The following RALGAPA2 variants were observed in gnomAD, a reference collection of about 807,000 sequenced individuals.
The protein encoded by RALGAPA2 is Ral GTPase activating protein catalytic subunit alpha 2, also known as ral GTPase-activating protein subunit alpha-2.
In RALGAPA2, 139 loss-of-function variants were observed where a neutral mutation model predicts 230.4. The ratio of observed to expected loss-of-function variants is 0.60; its 90% CI spans 0.53 to 0.69. RALGAPA2 has a LOEUF of 0.69. RALGAPA2 is among the 30% of genes least tolerant of loss of function. RALGAPA2 has a pLI of 0.00. For synonymous variants in RALGAPA2, 847 were observed against 837.8 expected (o/e 1.01, Z -0.19); for missense variants, 2,163 against 2,276.0 (o/e 0.95, Z 1.01).
At chr20:20,680,883 G>A in intron 1 of RALGAPA2, 82 bp from the exon 2 acceptor site, 1 of 1,495,070 alleles carries the variant, frequency 6.7e-7, no homozygotes, top group Non-Finnish European at 8.9e-7. Flanking sequence ...AGAAAAGAAG[G>A]CAAGTACAAC....
rs577169706 is a variant in RALGAPA2, at chr20:20,584,945, C to T, written c.2450G>A (p.Arg817Gln). The T allele has an allele frequency of 8.7e-6, 14 of 1,608,814 alleles. No homozygotes were observed. Among genetic ancestry groups the T allele is most frequent in the African/African-American group, 5.3e-5 (4 of 74,936 alleles). Residue 817 changes from arginine (R) to glutamine (Q), a missense_variant, in exon 19 of 40, where the codon CGA becomes CAA. Arg to Gln is a conservative substitution (Grantham distance 43). Transcript: ENST00000202677. ...CAATTCAGCAGGGCTGCTGCTTCTT[C>T]GAACTAAGATCTTCAGACAAAAAGA... Reference protein sequence around the residue: ...REHEGITILVRRSSSPAELDL... With the variant: ...REHEGITILVQRSSSPAELDL...
intron 37 of RALGAPA2, among the ~76,000 whole-genome samples, chr20:20,460,576 T>C (rs1325031962): frequency 6.6e-6 from 1 of 152,242 alleles, no homozygotes; most frequent in Admixed American, 6.5e-5. Context: ...TCCAGTGTTA[T>C]GGTGTCAGTT....
chr20:20,684,876 A>G (rs2068645962), intron 1 of RALGAPA2, among the ~76,000 whole-genome samples: 1 of 152,244 alleles, frequency 6.6e-6, no homozygotes, highest in African/African-American at 2.4e-5. Context: ...TTGTTAAATG[A>G]ATAACCAAAT....
chr20:20,488,300 T>C (rs1219544654), intron 36 of RALGAPA2, among the ~76,000 whole-genome samples: 4 of 152,204 alleles, frequency 2.6e-5, no homozygotes, highest in African/African-American at 7.2e-5. Flanking sequence ...ACCTGGTAGG[T>C]ATCCTAGAGG....
chr20:20,479,579 T>A lies in RALGAPA2; in HGVS notation c.5368-6623A>T, dbSNP rs551227848. The stretch of plus-strand genomic sequence containing the variant: ...AACAAGTGTTTAATAAAATCCAAAA[T>A]CCAGTTAAGGAAAAAATTCTTAGCA... On this transcript the variant is annotated intron_variant, in intron 36 of 39. Coordinates refer to ENST00000202677, the MANE Select transcript of RALGAPA2 (RefSeq NM_020343.4). 4.6e-5 allele frequency among the ~76,000 whole-genome samples: 7 copies of A among 152,206 alleles called. No homozygotes were observed. The South Asian group carries it at 1.5e-3, about 32-fold the overall frequency.
chr20:20,624,996 G>A (rs545676328), intron 10 of RALGAPA2, among the ~76,000 whole-genome samples: 3 of 152,220 alleles, frequency 2.0e-5, no homozygotes, highest in South Asian at 2.1e-4. Context: ...CTCAACTGAC[G>A]TCTGTCTGGT....
chr20:20,506,419 A>C (rs569178573), intron 33 of RALGAPA2, among the ~76,000 whole-genome samples: 1 of 152,344 alleles, frequency 6.6e-6, no homozygotes, highest in East Asian at 1.9e-4. Context: ...ACCCTGGAGT[A>C]AAGCGACAAA....
At chr20:20,452,923 T>C (rs1489714687) in intron 37 of RALGAPA2, among the ~76,000 whole-genome samples, 3 of 152,104 alleles carry the variant, frequency 2.0e-5, no homozygotes, top group African/African-American at 7.2e-5. Context: ...TGGGGAGCCG[T>C]GAGTTGATGG....
intron 36 of RALGAPA2, among the ~76,000 whole-genome samples, chr20:20,485,520 C>T (rs2061889443): frequency 1.3e-5 from 2 of 152,208 alleles, no homozygotes; most frequent in Non-Finnish European, 2.9e-5. Flanking sequence ...TGGTCTTCCA[C>T]TCATTTGCTG....
chr20:20,670,640 G>GT (rs1427770188), intron 3 of RALGAPA2, among the ~76,000 whole-genome samples: 1 of 143,028 alleles, frequency 7.0e-6, no homozygotes, highest in Non-Finnish European at 1.5e-5. Flanking sequence ...CATAACCATA[G>GT]TAAAAAAAAA....
intron 3 of RALGAPA2, among the ~76,000 whole-genome samples, chr20:20,668,113 T>C (rs1459466315): frequency 2.6e-5 from 4 of 152,224 alleles, no homozygotes; most frequent in Non-Finnish European, 5.9e-5. Flanking sequence ...TTTCAAACGA[T>C]GAGATACGGC....
intron 10 of RALGAPA2, among the ~76,000 whole-genome samples, chr20:20,628,930 C>T (rs532293465): frequency 4.7e-4 from 72 of 152,262 alleles, no homozygotes; most frequent in African/African-American, 1.7e-3. Flanking sequence ...GAGTGCCACA[C>T]GCCTCTGCAG....
intron 36 of RALGAPA2, among the ~76,000 whole-genome samples, chr20:20,479,438 T>A (rs2061724575): frequency 6.6e-6 from 1 of 152,072 alleles, no homozygotes; most frequent in Non-Finnish European, 1.5e-5. Context: ...AATAACAATA[T>A]CATGACCAAG....
intron 37 of RALGAPA2, among the ~76,000 whole-genome samples, chr20:20,425,880 A>AAT (rs1284527275): frequency 1.9e-4 from 29 of 152,380 alleles, no homozygotes; most frequent in African/African-American, 7.0e-4. Flanking sequence ...AGTTAATATT[A>AAT]AAAGCAACTG....
chr20:20,521,023 T>C lies in RALGAPA2; in HGVS notation c.3978A>G (p.Ser1326=). Residue 1326 remains serine, a synonymous_variant, in exon 31 of 40, where the codon TCA becomes TCG. Transcript: ENST00000202677. ...GCAGGAAGGGGTCATAATCCGTGGA[T>C]GACAAGTCAGCCAGGGTCAGTATGT... ...SHYILTLADL[S]STDYDPFLPL... The C allele has an allele frequency of 5.0e-6, 8 of 1,613,954 alleles. No individual in the cohort carries two copies. The highest frequency in any genetic ancestry group is 6.8e-6 in the Non-Finnish European group (8 of 1,179,866).
At chr20:20,687,967 T>C (rs1011940982) in intron 1 of RALGAPA2, among the ~76,000 whole-genome samples, 5 of 152,206 alleles carry the variant, frequency 3.3e-5, no homozygotes, top group Admixed American at 6.5e-5. Context: ...CCAGCCAGTA[T>C]GTTTCGGTAC....
At chr20:20,545,467 G>A (rs1022594210) in intron 24 of RALGAPA2, among the ~76,000 whole-genome samples, 3 of 151,986 alleles carry the variant, frequency 2.0e-5, no homozygotes, top group African/African-American at 7.3e-5. Flanking sequence ...GTGTGAAAGC[G>A]CCAACATGAA....
chr20:20,582,270 C>T (rs1487537054), intron 20 of RALGAPA2, among the ~76,000 whole-genome samples: 1 of 152,012 alleles, frequency 6.6e-6, no homozygotes, highest in Non-Finnish European at 1.5e-5. Flanking sequence ...GATGTTCACT[C>T]ATTTATTCTT....
intron 24 of RALGAPA2, among the ~76,000 whole-genome samples, chr20:20,544,186 C>T (rs2063720971): frequency 6.6e-6 from 1 of 151,878 alleles, no homozygotes; most frequent in African/African-American, 2.4e-5. Context: ...CTTTGGGAGG[C>T]CCAGGCAAGA....
Sources: allele counts gnomAD v4.1 joint callset (sites outside exome capture counted in the v4.1 genomes callset), GRCh38; gene constraint gnomAD v4.1.1; transcripts MANE v1.5; gene names NCBI Gene and HGNC (gene_info 2026-07-23, HGNC 2026-07-21).